Variants in CDKAL1 observed in about 807,000 individuals in gnomAD.
CDKAL1 encodes CDKAL1 threonylcarbamoyladenosine tRNA methylthiotransferase.
Under a neutral mutation model 68.2 loss-of-function variants are expected in CDKAL1, and 32 were observed. The ratio of observed to expected loss-of-function variants is 0.47; its 90% CI spans 0.35 to 0.63. The LOEUF (loss-of-function observed/expected upper bound fraction) is 0.63. CDKAL1 is among the 30% of genes least tolerant of loss of function. The pLI, the probability that CDKAL1 is intolerant of heterozygous loss-of-function variation, is 0.00. For synonymous variants in CDKAL1, 234 were observed against 244.3 expected, an observed-to-expected ratio of 0.96 and a Z score of 0.39; for missense variants, 606 against 696.7, an observed-to-expected ratio of 0.87 and a Z score of 1.47.
At chr6:20,836,350 G>A (rs1006610552) in intron 8 of CDKAL1, among the ~76,000 whole-genome samples, 5 of 152,306 alleles carry the variant, frequency 3.3e-5, no homozygotes, top group African/African-American at 1.2e-4. Flanking sequence ...CCGTCACTAA[G>A]TTAGTTATAT....
At chr6:20,608,274 T>TTA (rs765425504) in intron 4 of CDKAL1, among the ~76,000 whole-genome samples, 6 of 152,136 alleles carry the variant, frequency 3.9e-5, no homozygotes, top group East Asian at 3.9e-4. Context: ...CATGTGTAAT[T>TTA]TATATATATA....
intron 11 of CDKAL1, among the ~76,000 whole-genome samples, chr6:21,051,143 C>G (rs1352909077): frequency 2.6e-5 from 4 of 152,130 alleles, no homozygotes; most frequent in African/African-American, 7.2e-5. Flanking sequence ...ATCACTTGAG[C>G]TCAGGAATTC....
chr6:20,830,332 A>G (rs1020023757), intron 8 of CDKAL1, among the ~76,000 whole-genome samples: 1 of 152,186 alleles, frequency 6.6e-6, no homozygotes, highest in Admixed American at 6.5e-5. Flanking sequence ...AAATGCAACA[A>G]TATGTTTTGC....
chr6:20,940,093 G>C (rs1763899955), intron 9 of CDKAL1, among the ~76,000 whole-genome samples: 1 of 152,086 alleles, frequency 6.6e-6, no homozygotes, highest in Non-Finnish European at 1.5e-5. Flanking sequence ...GTATGTCCAA[G>C]ATAACTTAAA....
chr6:21,042,492 G>A (rs553372443), intron 11 of CDKAL1, among the ~76,000 whole-genome samples: 2 of 152,120 alleles, frequency 1.3e-5, no homozygotes, highest in Admixed American at 6.5e-5. Flanking sequence ...TTCCAGTCAC[G>A]TCCAAGCTTA....
chr6:20,639,673 T>C (rs1768074293), intron 4 of CDKAL1, among the ~76,000 whole-genome samples: 1 of 152,186 alleles, frequency 6.6e-6, no homozygotes, highest in African/African-American at 2.4e-5. Flanking sequence ...TTTATTTTGT[T>C]TTCTTTTTGT....
intron 2 of CDKAL1, among the ~76,000 whole-genome samples, chr6:20,537,302 A>C (rs1763212739): frequency 1.3e-5 from 2 of 152,118 alleles, no homozygotes; most frequent in Admixed American, 1.3e-4. Context: ...GAACCTGGAG[A>C]TTTGATATGA....
chr6:20,958,599 A>T (rs1438248021), intron 10 of CDKAL1, among the ~76,000 whole-genome samples: 1 of 152,212 alleles, frequency 6.6e-6, no homozygotes, highest in Non-Finnish European at 1.5e-5. Context: ...CCAATAAGAA[A>T]AAACAGAAGA....
chr6:21,014,286 A>G (rs2150846183), intron 11 of CDKAL1, among the ~76,000 whole-genome samples: 1 of 152,218 alleles, frequency 6.6e-6, no homozygotes. Flanking sequence ...GCCACTGAAA[A>G]TCTCCACCAC....
intron 11 of CDKAL1, among the ~76,000 whole-genome samples, chr6:21,059,428 G>A (rs1005862894): frequency 6.6e-6 from 1 of 152,220 alleles, no homozygotes; most frequent in South Asian, 2.1e-4. Context: ...CAAGATCCTG[G>A]TGGCATGGGC....
At chr6:20,986,549 G>C (rs142398849) in intron 10 of CDKAL1, among the ~76,000 whole-genome samples, 8 of 151,710 alleles carry the variant, frequency 5.3e-5, no homozygotes, top group African/African-American at 1.9e-4. Context: ...AAGGGAATGG[G>C]ACAGGTTCAG....
At chr6:20,703,147 T>A (rs931989398) in intron 5 of CDKAL1, among the ~76,000 whole-genome samples, 2 of 152,242 alleles carry the variant, frequency 1.3e-5, no homozygotes, top group African/African-American at 4.8e-5. Flanking sequence ...TAGCTTGGGT[T>A]GTTCTTGGCT....
At position 20,765,252 on chromosome 6, in the gene CDKAL1, G is replaced by T. The variant is rs1356903402; in HGVS notation, c.517+6609G>T. Among the ~76,000 whole-genome samples, 7 of 41,512 alleles carry T rather than the reference G, an allele frequency of 1.7e-4. 3 individuals carry two copies. Among genetic ancestry groups the T allele is most frequent in the Non-Finnish European group, 3.2e-4 (7 of 21,970 alleles). The allele number at this position is 41,512 out of a possible 152,430, so 27.2% of individuals were successfully genotyped here. A position where few individuals can be genotyped will look rare whatever the true frequency, so the allele number is the denominator to read the frequency against. On this transcript the variant is annotated intron_variant, in intron 7 of 15. Coordinates refer to ENST00000274695, the MANE Select transcript of CDKAL1 (RefSeq NM_017774.3). Reference sequence around the variant, plus strand: ...GCTCACTGCAAGCTCCGCCTCCCGGGTTCACGCCATTCTCCTGCCTCAGCC... The same window carrying T: ...GCTCACTGCAAGCTCCGCCTCCCGGTTTCACGCCATTCTCCTGCCTCAGCC...
rs758586145 is a variant in CDKAL1 at position 20,543,732 on chromosome 6, A to ATTTTT, written c.-5-2596_-5-2592dup. On this transcript the variant is annotated intron_variant, in intron 2 of 15. Coordinates refer to ENST00000274695, the MANE Select transcript of CDKAL1 (RefSeq NM_017774.3). Reference sequence around the variant, plus strand: ...AAAGTTTTATAATATTATGTTTTACATTTTTTTTTTTTTTTTTTTTTTGAG... The same window carrying ATTTTT: ...AAAGTTTTATAATATTATGTTTTACATTTTTTTTTTTTTTTTTTTTTTTTTTTGAG... Among the ~76,000 whole-genome samples, 57 of 102,398 alleles carry ATTTTT rather than the reference A, an allele frequency of 5.6e-4. 3 individuals are homozygous for ATTTTT. Among genetic ancestry groups the ATTTTT allele is most frequent in the African/African-American group, 2.1e-3 (52 of 24,314 alleles). The allele number at this position is 102,398 out of a possible 152,430, so 67.2% of individuals were successfully genotyped here.
At chr6:21,074,927 A>G (rs1330849299) in intron 12 of CDKAL1, among the ~76,000 whole-genome samples, 1 of 151,828 alleles carries the variant, frequency 6.6e-6, no homozygotes. Flanking sequence ...TGTACATTGT[A>G]CCCAAAATGT....
intron 8 of CDKAL1, among the ~76,000 whole-genome samples, chr6:20,837,576 A>T (rs1393271526): frequency 1.3e-5 from 2 of 152,162 alleles, no homozygotes; most frequent in African/African-American, 4.8e-5. Flanking sequence ...TTTTCAGATT[A>T]ACCCTTAGGT....
At chr6:21,107,683 C>T (rs537527090) in intron 12 of CDKAL1, among the ~76,000 whole-genome samples, 75 of 152,220 alleles carry the variant, frequency 4.9e-4, no homozygotes, top group African/African-American at 1.7e-3. Flanking sequence ...ATACCTGCCT[C>T]GGCCTCCCAA....
intron 7 of CDKAL1, among the ~76,000 whole-genome samples, chr6:20,770,186 T>G (rs1774879363): frequency 6.6e-6 from 1 of 152,186 alleles, no homozygotes. Context: ...TAGAAAATTC[T>G]GAGTATACTG....
intron 5 of CDKAL1, among the ~76,000 whole-genome samples, chr6:20,657,994 GC>G: frequency 7.2e-6 from 1 of 139,522 alleles, no homozygotes; most frequent in East Asian, 1.9e-4. Context: ...AGACAATATG[GC>G]CTTTAACTTG....
Sources: gnomAD v4.1 joint callset for allele counts (sites outside exome capture counted in the v4.1 genomes callset) on GRCh38, gnomAD v4.1.1 for gene constraint, MANE v1.5 for transcripts, NCBI Gene and HGNC (gene_info 2026-07-23, HGNC 2026-07-21) for gene names.